The following AGPS variants were observed in gnomAD, a reference collection of about 807,000 sequenced individuals.
AGPS encodes alkylglycerone phosphate synthase.
AGPS carries 26 observed loss-of-function variants against 90.7 expected under a neutral mutation model. The ratio of observed to expected loss-of-function variants is 0.29; its 90% CI spans 0.21 to 0.40. AGPS has a LOEUF of 0.40. Among genes scored for constraint, AGPS ranks in the 10% least tolerant of loss-of-function variants. The probability of loss-of-function intolerance (pLI) is 1.00; values close to 1 mark genes in which losing one functional copy is unlikely to be tolerated. For missense variants in AGPS, 540 were observed against 816.1 expected, an observed-to-expected ratio of 0.66 and a Z score of 4.12; for synonymous variants, 294 against 285.3, an observed-to-expected ratio of 1.03 and a Z score of -0.31.
Position 177,543,362 on chromosome 2 carries a change from ATATG to A in AGPS, c.*5170_*5173del, listed in dbSNP as rs2079256861. 1 of 152,192 alleles carries A rather than the reference ATATG, an allele frequency of 6.6e-6. No individual in the cohort carries two copies. The highest frequency in any genetic ancestry group is 1.5e-5 in the Non-Finnish European group (1 of 68,036). 9.4% of individuals were successfully genotyped at this position (152,192 alleles called of 1,614,324 possible). ...ACAATGATTAAATCTTATGAGAAAT[ATATG>A]TAGGTTATATTAATTCTTGTCCATT... is the stretch of plus-strand genomic sequence containing the variant. On this transcript the variant is annotated 3_prime_UTR_variant, in exon 20 of 20. Coordinates refer to ENST00000264167, the MANE Select transcript of AGPS (RefSeq NM_003659.4).
intron 8 of AGPS, among the ~76,000 whole-genome samples, chr2:177,459,326 T>C (rs969090982): frequency 6.6e-6 from 1 of 152,066 alleles, no homozygotes; most frequent in African/African-American, 2.4e-5. Context: ...CAAATGGGAT[T>C]TAATTAACCT....
At chr2:177,464,606 C>G (rs190165356) in intron 9 of AGPS, among the ~76,000 whole-genome samples, 140 of 152,332 alleles carry the variant, frequency 9.2e-4, no homozygotes, top group African/African-American at 3.1e-3. Context: ...CACTTGTTTT[C>G]AAGATCATTT....
chr2:177,472,332 T>A (rs1687650345), intron 10 of AGPS, among the ~76,000 whole-genome samples: 1 of 152,054 alleles, frequency 6.6e-6, no homozygotes, highest in African/African-American at 2.4e-5. Context: ...CTTTGGGTAG[T>A]TTATAACATA....
chr2:177,482,810 A>T (rs1039671665), intron 11 of AGPS, among the ~76,000 whole-genome samples: 2 of 152,062 alleles, frequency 1.3e-5, no homozygotes, highest in African/African-American at 4.8e-5. Flanking sequence ...AAGACAAGAT[A>T]ATGCTAAGTA....
chr2:177,393,997 T>C (rs1222287001), intron 1 of AGPS, among the ~76,000 whole-genome samples: 2 of 152,170 alleles, frequency 1.3e-5, no homozygotes, highest in African/African-American at 2.4e-5. Context: ...GTATGTGCGG[T>C]TTTCTCCCAT....
intron 9 of AGPS, among the ~76,000 whole-genome samples, chr2:177,463,631 T>C (rs1166165339): frequency 6.6e-6 from 1 of 152,200 alleles, no homozygotes; most frequent in East Asian, 1.9e-4. Flanking sequence ...GTGAATACTT[T>C]TTAAATATTT....
At chr2:177,420,604 C>T (rs1685916323) in intron 2 of AGPS, among the ~76,000 whole-genome samples, 1 of 151,220 alleles carries the variant, frequency 6.6e-6, no homozygotes, top group South Asian at 2.1e-4. Flanking sequence ...CCTAATATAA[C>T]CAATTATATA....
At chr2:177,422,214 T>A (rs1660401317) in intron 2 of AGPS, among the ~76,000 whole-genome samples, 1 of 152,118 alleles carries the variant, frequency 6.6e-6, no homozygotes, top group African/African-American at 2.4e-5. Flanking sequence ...GTGTATTCAT[T>A]TATGGTTAGA....
At position 177,543,465 on chromosome 2, in the gene AGPS, C is replaced by T. The variant is rs2079257960; in HGVS notation, c.*5270C>T. On this transcript the variant is annotated 3_prime_UTR_variant, in exon 20 of 20. Coordinates refer to ENST00000264167, the MANE Select transcript of AGPS (RefSeq NM_003659.4). The stretch of plus-strand genomic sequence containing the variant: ...TAATATCTTATCCTGAGTCTTCCTC[C>T]AAGGCAGTACATATTCCTGCCAGGA... The T allele has an allele frequency of 6.6e-6, 1 of 152,180 alleles. No homozygotes were observed. Among genetic ancestry groups the T allele is most frequent in the African/African-American group, 2.4e-5 (1 of 41,436 alleles). The allele number at this position is 152,180 out of a possible 1,614,324, so 9.4% of individuals were successfully genotyped here.
In AGPS at chr2:177,511,870, A is replaced by G. The variant is rs565957250; in HGVS notation, c.1608-1949A>G. On this transcript the variant is annotated intron_variant, in intron 16 of 19. Coordinates refer to ENST00000264167, the MANE Select transcript of AGPS (RefSeq NM_003659.4). ...TTCTCCATCTCCTTTTCATTATTCA[A>G]CTATCAGTGAGGGTTTAGATATAAG... is the stretch of plus-strand genomic sequence containing the variant. 2.4e-4 allele frequency among the ~76,000 whole-genome samples: 37 copies of G among 152,316 alleles called. No homozygotes were observed. The Middle Eastern group carries it at 0.01, about 42-fold the overall frequency.
At chr2:177,445,239 A>T (rs749083501) in intron 7 of AGPS, among the ~76,000 whole-genome samples, 49 of 152,258 alleles carry the variant, frequency 3.2e-4, no homozygotes, top group Admixed American at 1.8e-3. Context: ...TTTACAAATG[A>T]GGAAACAATA....
At position 177,392,861 on chromosome 2, in the gene AGPS, C is replaced by G. The variant is rs923081006; in HGVS notation, c.72C>G (p.Asp24Glu). ...GAGASYGSAA[D>E]RDRDPDPDRA... Reference sequence around the variant, plus strand: ...GCGCGAGCTACGGGTCTGCAGCGGACCGGGACCGGGACCCGGACCCGGACC... The same window carrying G: ...GCGCGAGCTACGGGTCTGCAGCGGAGCGGGACCGGGACCCGGACCCGGACC... The change falls in exon 1 of 20, where the codon GAC (aspartate) becomes GAG (glutamate). Residue 24 changes from aspartate (D) to glutamate (E), a missense_variant. By Grantham distance (45) the Asp-to-Glu change is conservative (BLOSUM62 2). Around this residue, in one of 2 missense-constraint regions of AGPS, gnomAD observed 135 missense variants for 124.0 expected, o/e 1.09. Coordinates refer to ENST00000264167, the MANE Select transcript of AGPS (RefSeq NM_003659.4). The G allele has an allele frequency of 4.5e-6, 7 of 1,552,236 alleles. No homozygotes were observed. The highest frequency in any genetic ancestry group is 1.8e-4 in the Middle Eastern group (1 of 5,486).
intron 1 of AGPS, among the ~76,000 whole-genome samples, chr2:177,416,807 G>A (rs1217638290): frequency 1.3e-5 from 2 of 152,126 alleles, no homozygotes; most frequent in African/African-American, 2.4e-5. Context: ...AGGATTACAG[G>A]TGTGAGCCAC....
intron 2 of AGPS, among the ~76,000 whole-genome samples, chr2:177,428,197 C>T (rs1686135360): frequency 1.3e-5 from 2 of 152,154 alleles, no homozygotes; most frequent in Admixed American, 1.3e-4. Flanking sequence ...TCCTCCATCC[C>T]TTTCTTTTGA....
intron 1 of AGPS, among the ~76,000 whole-genome samples, chr2:177,411,788 T>C (rs575490982): frequency 6.6e-6 from 1 of 152,326 alleles, no homozygotes; most frequent in East Asian, 1.9e-4. Context: ...CTCAATTTGC[T>C]TTTATCCTGT....
chr2:177,499,651 G>A lies in AGPS; in HGVS notation c.1396G>A (p.Ala466Thr). Residue 466 changes from alanine to threonine, a missense_variant, in exon 14 of 20, where the codon GCC becomes ACC. This residue lies in a region of AGPS where 405 missense variants were observed against 692.1 expected (regional missense o/e 0.59). Coordinates refer to ENST00000264167, the MANE Select transcript of AGPS (RefSeq NM_003659.4). ...KGFDPNQLSV[A>T]TLLFEGDREK... The stretch of plus-strand genomic sequence containing the variant: ...ATTTGACCCAAATCAGCTAAGTGTA[G>A]CCACATTACTGTTTGAGGGGGATCG... 4 of 1,611,096 alleles carry A rather than the reference G, an allele frequency of 2.5e-6. No homozygotes were observed. The highest frequency in any genetic ancestry group is 2.5e-6 in the Non-Finnish European group (3 of 1,178,342).
chr2:177,471,446 G>T (rs931508904), intron 10 of AGPS, among the ~76,000 whole-genome samples: 2 of 151,962 alleles, frequency 1.3e-5, no homozygotes, highest in Non-Finnish European at 2.9e-5. Flanking sequence ...TCCTATTTTA[G>T]ATGCTATAAC....
At chr2:177,437,763 T>C (rs1414486712) in intron 5 of AGPS, among the ~76,000 whole-genome samples, 1 of 152,188 alleles carries the variant, frequency 6.6e-6, no homozygotes, top group Non-Finnish European at 1.5e-5. Context: ...GTATATTTTA[T>C]TTTTTAATAA....
At chr2:177,420,946 C>T (rs1685924166) in intron 2 of AGPS, among the ~76,000 whole-genome samples, 1 of 151,802 alleles carries the variant, frequency 6.6e-6, no homozygotes, top group Admixed American at 6.6e-5. Flanking sequence ...TTTGTGATAG[C>T]TTTTCTATGT....
Sources: allele counts gnomAD v4.1 joint callset (sites outside exome capture counted in the v4.1 genomes callset), GRCh38; gene constraint gnomAD v4.1.1; regional missense constraint gnomAD v4.1.1; transcripts MANE v1.5; gene names NCBI Gene and HGNC (gene_info 2026-07-23, HGNC 2026-07-21).